SPMAP2L: variants seen among roughly 807,000 people sequenced by gnomAD.
SPMAP2L encodes the protein sperm microtubule associated protein 2-like.
chr4:56,543,326 G>A, the SPMAP2L span, among the ~76,000 whole-genome samples: 9 of 152,150 alleles, frequency 5.9e-5, no homozygotes, highest in African/African-American at 2.2e-4. Context: ...CTCGTGATCT[G>A]CCCACCTTGG....
chr4:56,605,223 A>AAT, the SPMAP2L span, among the ~76,000 whole-genome samples: 1 of 152,172 alleles, frequency 6.6e-6, no homozygotes, highest in Non-Finnish European at 1.5e-5. Flanking sequence ...CAGTGGGGAA[A>AAT]ATATGCCTTG....
chr4:56,592,988 GT>G, the SPMAP2L span: 6 of 1,604,028 alleles, frequency 3.7e-6, no homozygotes, highest in Non-Finnish European at 5.1e-6. Flanking sequence ...GGAAGACCCT[GT>G]TTGTGAAAAT....
the SPMAP2L span, among the ~76,000 whole-genome samples, chr4:56,579,927 G>A: frequency 5.9e-5 from 9 of 151,908 alleles, no homozygotes; most frequent in South Asian, 2.1e-4. Flanking sequence ...CAAGTGAAGC[G>A]ATTGAATTAA....
the SPMAP2L span, among the ~76,000 whole-genome samples, chr4:56,547,927 C>T: frequency 2.0e-5 from 3 of 152,148 alleles, no homozygotes; most frequent in South Asian, 2.1e-4. Flanking sequence ...CCTAATTTCC[C>T]ACTGTTAAAG....
At chr4:56,603,141 C>A in the SPMAP2L span, 2 of 1,129,306 alleles carry the variant, frequency 1.8e-6, no homozygotes, top group Non-Finnish European at 2.5e-6. Context: ...ACAGTGGATG[C>A]TTGAGAAACA....
At chr4:56,584,682 A>G in the SPMAP2L span, 1 of 1,050,760 alleles carries the variant, frequency 9.5e-7, no homozygotes. Context: ...CTTTTTCTAG[A>G]TGTGTTTTCC....
the SPMAP2L span, among the ~76,000 whole-genome samples, chr4:56,553,336 G>A: frequency 6.6e-6 from 1 of 151,562 alleles, no homozygotes; most frequent in Non-Finnish European, 1.5e-5. Flanking sequence ...GACCACATGT[G>A]TGTACCACTG....
chr4:56,589,764 AT>A, the SPMAP2L span, among the ~76,000 whole-genome samples: 1 of 143,030 alleles, frequency 7.0e-6, no homozygotes, highest in Non-Finnish European at 1.5e-5. Flanking sequence ...TTTTTGTTTT[AT>A]TTTTTTTGCA....
chr4:56,538,135 A>G, the SPMAP2L span, among the ~76,000 whole-genome samples: 1 of 152,150 alleles, frequency 6.6e-6, no homozygotes, highest in East Asian at 1.9e-4. Context: ...TTCCTGTGGC[A>G]TCTCATTGCT....
the SPMAP2L span, among the ~76,000 whole-genome samples, chr4:56,588,412 T>C: frequency 6.6e-6 from 1 of 152,144 alleles, no homozygotes; most frequent in Admixed American, 6.5e-5. Context: ...AGAAGGGTTT[T>C]TCCAGTGTCA....
At chr4:56,600,811 G>C in the SPMAP2L span, 1 of 984,230 alleles carries the variant, frequency 1.0e-6, no homozygotes, top group East Asian at 2.6e-5. Flanking sequence ...AGAGAGACCA[G>C]TTACGAGTCT....
the SPMAP2L span, chr4:56,593,959 C>G: frequency 5.0e-6 from 8 of 1,608,870 alleles, no homozygotes; most frequent in East Asian, 1.6e-4. Context: ...ATGACGTGTT[C>G]TTTGATACCT....
At chr4:56,536,406 T>C in the SPMAP2L span, among the ~76,000 whole-genome samples, 1 of 152,248 alleles carries the variant, frequency 6.6e-6, no homozygotes, top group East Asian at 1.9e-4. Flanking sequence ...CATCTCCTTT[T>C]CATGGGGTAC....
the SPMAP2L span, among the ~76,000 whole-genome samples, chr4:56,607,412 C>T: frequency 4.6e-5 from 7 of 152,242 alleles, no homozygotes; most frequent in South Asian, 6.2e-4. Context: ...TATAAATTAG[C>T]CAGTGTTTGG....
chr4:56,544,021 T>G, the SPMAP2L span, among the ~76,000 whole-genome samples: 1 of 151,012 alleles, frequency 6.6e-6, no homozygotes, highest in Non-Finnish European at 1.5e-5. Flanking sequence ...AGTCTCGCTC[T>G]CTTGCCCAGG....
chr4:56,538,757 C>T, the SPMAP2L span, among the ~76,000 whole-genome samples: 1 of 152,166 alleles, frequency 6.6e-6, no homozygotes, highest in Admixed American at 6.5e-5. Flanking sequence ...GAGCCAATAT[C>T]ATGCCACTGC....
At chr4:56,583,610 GA>G in the SPMAP2L span, among the ~76,000 whole-genome samples, 2 of 152,170 alleles carry the variant, frequency 1.3e-5, no homozygotes, top group South Asian at 4.1e-4. Flanking sequence ...ATTAGGGAAA[GA>G]AATATGTGGG....
At chr4:56,617,200 T>C in the SPMAP2L span, among the ~76,000 whole-genome samples, 1 of 152,226 alleles carries the variant, frequency 6.6e-6, no homozygotes, top group Non-Finnish European at 1.5e-5. Context: ...GTGTAGTTAC[T>C]GTACTGAATT....
chr4:56,536,122 G>A, the SPMAP2L span, among the ~76,000 whole-genome samples: 1 of 152,224 alleles, frequency 6.6e-6, no homozygotes, highest in African/African-American at 2.4e-5. Context: ...CTGCTGTGTA[G>A]CCTGGCTCCT....
Sources: gnomAD v4.1 joint callset for allele counts (sites outside exome capture counted in the v4.1 genomes callset) on GRCh38, gnomAD v4.1.1 for gene constraint, MANE v1.5 for transcripts, NCBI Gene and HGNC (gene_info 2026-07-23, HGNC 2026-07-21) for gene names.